The following LEKR1 variants were observed in gnomAD, a reference collection of about 807,000 sequenced individuals.
The protein encoded by LEKR1 is protein LEKR1.
Under a neutral mutation model 72.4 loss-of-function variants are expected in LEKR1, and 59 were observed. The ratio of observed to expected loss-of-function variants is 0.82; its 90% CI spans 0.66 to 1.01. LEKR1 has a LOEUF of 1.01. Among genes scored for constraint, LEKR1 ranks in the 50% least tolerant of loss-of-function variants. The pLI, the probability that LEKR1 is intolerant of heterozygous loss-of-function variation, is 0.00. For missense variants in LEKR1, 728 were observed against 759.2 expected, an observed-to-expected ratio of 0.96 and a Z score of 0.48; for synonymous variants, 257 against 263.2, an observed-to-expected ratio of 0.98 and a Z score of 0.23.
intron 2 of LEKR1, among the ~76,000 whole-genome samples, chr3:156,830,437 G>A (rs759536804): frequency 2.0e-5 from 3 of 152,228 alleles, no homozygotes; most frequent in Non-Finnish European, 2.9e-5. Context: ...ATTGCTTGAT[G>A]TGTACTGTAG....
chr3:156,882,250 C>T (rs1330780401), intron 3 of LEKR1, among the ~76,000 whole-genome samples: 3 of 152,122 alleles, frequency 2.0e-5, no homozygotes, highest in African/African-American at 4.8e-5. Context: ...GCAACCTACT[C>T]ATCTGACGAA....
intron 3 of LEKR1, among the ~76,000 whole-genome samples, chr3:156,864,548 T>C (rs1717105909): frequency 6.6e-6 from 1 of 152,082 alleles, no homozygotes; most frequent in Admixed American, 6.6e-5. Context: ...CTTGCCATTC[T>C]TACTGAATAA....
intron 3 of LEKR1, among the ~76,000 whole-genome samples, chr3:156,892,707 G>T (rs1161530553): frequency 6.6e-6 from 1 of 152,072 alleles, no homozygotes; most frequent in Admixed American, 6.5e-5. Flanking sequence ...TCCTCCTCTT[G>T]TGCATGCATA....
Position 157,045,249 on chromosome 3 carries a change from G to T in LEKR1, c.1669-91G>T, listed in dbSNP as rs75745303. ...AAAGAATACAGACCTCTGATTTCCAGTTCTGTTCTCAAATTGTATTGTCCG... is the reference window on the plus strand; with the variant it reads ...AAAGAATACAGACCTCTGATTTCCATTTCTGTTCTCAAATTGTATTGTCCG... On this transcript the variant is annotated intron_variant, in intron 12 of 12. Transcript: ENST00000356539. The T allele has an allele frequency of 9.8e-4, 1,055 of 1,080,896 alleles. 7 individuals carry two copies. In the African/African-American group the frequency reaches 0.015, roughly 15 times the overall value. 67.0% of individuals were successfully genotyped at this position (1,080,896 alleles called of 1,614,324 possible).
In LEKR1 at chr3:156,992,749, T is replaced by C; in HGVS notation, c.905+19T>C. 1.7e-6 allele frequency: 1 copy of C among 597,056 alleles called. No individual in the cohort carries two copies. Among genetic ancestry groups the C allele is most frequent in the Non-Finnish European group, 2.3e-6 (1 of 440,570 alleles). The allele number at this position is 597,056 out of a possible 1,614,324, so 37.0% of individuals were successfully genotyped here. A position where few individuals can be genotyped will look rare whatever the true frequency, so the allele number is the denominator to read the frequency against. ...AGTCACAGTATGCATTACCAATTTTTAAATTTATATTTTTAATAATTGAAC... is the reference window on the plus strand; with the variant it reads ...AGTCACAGTATGCATTACCAATTTTCAAATTTATATTTTTAATAATTGAAC... On this transcript the variant is annotated intron_variant, in intron 8 of 12. Coordinates refer to ENST00000356539, the MANE Select transcript of LEKR1 (RefSeq NM_001004316.3).
At chr3:156,940,806 A>C (rs547222182) in intron 5 of LEKR1, among the ~76,000 whole-genome samples, 52 of 152,260 alleles carry the variant, frequency 3.4e-4, no homozygotes, top group African/African-American at 1.2e-3. Flanking sequence ...GTTATTTTAG[A>C]GTATAGTGTA....
chr3:157,020,764 C>T (rs1733771312), intron 10 of LEKR1, among the ~76,000 whole-genome samples: 1 of 152,006 alleles, frequency 6.6e-6, no homozygotes, highest in Non-Finnish European at 1.5e-5. Flanking sequence ...TTTATAGCAG[C>T]ATGATTTATG....
intron 12 of LEKR1, among the ~76,000 whole-genome samples, chr3:157,038,864 A>G (rs560987738): frequency 6.6e-6 from 1 of 152,332 alleles, no homozygotes; most frequent in African/African-American, 2.4e-5. Flanking sequence ...GAATGTTCAC[A>G]TGAAATAGAA....
At chr3:156,954,069 A>G (rs2321296) in intron 6 of LEKR1, among the ~76,000 whole-genome samples, 128,243 of 151,978 alleles carry the variant, frequency 0.84, 54,266 homozygotes, top group African/African-American at 0.91. Context: ...TGACTGGTGT[A>G]AGATGGTATC....
At chr3:156,862,765 A>G (rs1716908498) in intron 3 of LEKR1, among the ~76,000 whole-genome samples, 2 of 152,094 alleles carry the variant, frequency 1.3e-5, no homozygotes. Context: ...TTCCAATTTA[A>G]TTGGTGTTTT....
intron 3 of LEKR1, among the ~76,000 whole-genome samples, chr3:156,878,389 A>G (rs1044999976): frequency 6.6e-6 from 1 of 152,194 alleles, no homozygotes; most frequent in Admixed American, 6.5e-5. Context: ...TGACCCAAAG[A>G]TCATTCAAAA....
chr3:157,034,497 G>A (rs969311562), intron 12 of LEKR1, among the ~76,000 whole-genome samples: 1 of 152,218 alleles, frequency 6.6e-6, no homozygotes, highest in Non-Finnish European at 1.5e-5. Flanking sequence ...GGAGTCTGAA[G>A]ATGTGGCTGA....
At chr3:156,910,271 C>T (rs1428285851) in intron 3 of LEKR1, among the ~76,000 whole-genome samples, 1 of 152,142 alleles carries the variant, frequency 6.6e-6, no homozygotes, top group South Asian at 2.1e-4. Context: ...AATAGTTTGT[C>T]AGCCCATACT....
At chr3:156,866,761 G>A (rs561571305) in intron 3 of LEKR1, among the ~76,000 whole-genome samples, 2 of 151,988 alleles carry the variant, frequency 1.3e-5, no homozygotes, top group South Asian at 4.1e-4. Flanking sequence ...ATGGATAGAT[G>A]GGTGAGTAGG....
chr3:156,878,015 T>A (rs1718820798), intron 3 of LEKR1, among the ~76,000 whole-genome samples: 1 of 152,120 alleles, frequency 6.6e-6, no homozygotes, highest in East Asian at 1.9e-4. Flanking sequence ...ACTCCTGACC[T>A]TGTGATCTGC....
chr3:156,941,359 C>G (rs1045482761), intron 5 of LEKR1, among the ~76,000 whole-genome samples: 1 of 152,084 alleles, frequency 6.6e-6, no homozygotes, highest in South Asian at 2.1e-4. Context: ...GTACTACATT[C>G]GTGATCCTCC....
intron 2 of LEKR1, among the ~76,000 whole-genome samples, chr3:156,849,930 C>G (rs1183499816): frequency 6.6e-6 from 1 of 152,168 alleles, no homozygotes; most frequent in East Asian, 1.9e-4. Context: ...AACTAAAGAT[C>G]TTCTGCACAG....
rs571646485 is a variant in LEKR1 at position 156,829,600 on chromosome 3, C to T, written c.48+223C>T. Among the ~76,000 whole-genome samples the T allele has an allele frequency of 2.6e-4, 39 of 152,240 alleles. No individual in the cohort carries two copies. In the South Asian group the frequency reaches 7.5e-3, roughly 29 times the overall value. On this transcript the variant is annotated intron_variant, in intron 2 of 12. Transcript: ENST00000356539. Reference sequence around the variant, plus strand: ...AGAAGACATATATCTAATTCCAGTACAGTATTTGACCAGGTGGTTGTGGAG... The same window carrying T: ...AGAAGACATATATCTAATTCCAGTATAGTATTTGACCAGGTGGTTGTGGAG...
intron 3 of LEKR1, among the ~76,000 whole-genome samples, chr3:156,867,199 A>T (rs1717410216): frequency 6.6e-6 from 1 of 152,126 alleles, no homozygotes; most frequent in Non-Finnish European, 1.5e-5. Flanking sequence ...AAAGGATGTC[A>T]AGTAGTATAA....
Sources: allele counts gnomAD v4.1 joint callset (sites outside exome capture counted in the v4.1 genomes callset), GRCh38; gene constraint gnomAD v4.1.1; transcripts MANE v1.5; gene names NCBI Gene and HGNC (gene_info 2026-07-23, HGNC 2026-07-21).